The following LOC112694756 variants were observed in gnomAD, a reference collection of about 807,000 sequenced individuals.
the LOC112694756 span, chr16:30,066,908 G>T: frequency 6.5e-7 from 1 of 1,550,348 alleles, no homozygotes; most frequent in African/African-American, 1.4e-5. Flanking sequence ...ATGGCAAGGC[G>T]CAAGCCAGAA....
chr16:30,054,687 T>C, the LOC112694756 span: 2 of 398,432 alleles, frequency 5.0e-6, no homozygotes, highest in Non-Finnish European at 8.8e-6. Context: ...CTGGTGGCCG[T>C]TCCTCTCCCA....
At chr16:30,069,948 G>A in the LOC112694756 span, 10 of 1,613,936 alleles carry the variant, frequency 6.2e-6, no homozygotes, top group African/African-American at 1.3e-4. Context: ...GCCGAGCCCT[G>A]CAGGCCTCTG....
At chr16:30,063,984 A>T in the LOC112694756 span, 1 of 398,886 alleles carries the variant, frequency 2.5e-6, no homozygotes, top group Non-Finnish European at 4.4e-6. Context: ...GTGGCAGCGC[A>T]GGGCCTGGCT....
the LOC112694756 span, chr16:30,068,202 C>T: frequency 3.1e-6 from 1 of 319,160 alleles, no homozygotes; most frequent in Admixed American, 4.5e-5. Flanking sequence ...GTAGCTGGGA[C>T]TACAGGCGCC....
At chr16:30,067,768 A>G in the LOC112694756 span, 14 of 1,318,962 alleles carry the variant, frequency 1.1e-5, no homozygotes, top group Non-Finnish European at 1.4e-5. Context: ...AGAGACTTGC[A>G]TGGAGCCTGC....
the LOC112694756 span, among the ~76,000 whole-genome samples, chr16:30,061,820 A>G: frequency 3.6e-4 from 55 of 150,878 alleles, 1 homozygote; most frequent in East Asian, 0.01. Context: ...TTGGCCTCCC[A>G]AGTTGTTGGG....
At chr16:30,067,073 G>A in the LOC112694756 span, 11 of 1,572,018 alleles carry the variant, frequency 7.0e-6, no homozygotes, top group Admixed American at 3.7e-5. Context: ...GAAGTTGGGC[G>A]TAAGAGAGAG....
the LOC112694756 span, chr16:30,068,812 T>A: frequency 6.2e-7 from 1 of 1,614,084 alleles, no homozygotes; most frequent in Non-Finnish European, 8.5e-7. Context: ...CTTCCTCTTC[T>A]CTTAGGGTTG....
chr16:30,062,480 C>T, the LOC112694756 span, among the ~76,000 whole-genome samples: 20 of 139,650 alleles, frequency 1.4e-4, no homozygotes, highest in Admixed American at 1.3e-3. Context: ...TGCAGTGAGC[C>T]GAGACCGCGC....
At chr16:30,059,829 C>T in the LOC112694756 span, among the ~76,000 whole-genome samples, 1 of 151,684 alleles carries the variant, frequency 6.6e-6, no homozygotes, top group Non-Finnish European at 1.5e-5. Flanking sequence ...TCCCAAAGTG[C>T]TGCGATTACA....
chr16:30,067,670 A>C, the LOC112694756 span: 1 of 1,613,964 alleles, frequency 6.2e-7, no homozygotes, highest in South Asian at 1.1e-5. Flanking sequence ...AGGTAAGGGG[A>C]GGGCCTCCGG....
chr16:30,066,613 G>GC, the LOC112694756 span, among the ~76,000 whole-genome samples: 2 of 151,920 alleles, frequency 1.3e-5, no homozygotes, highest in Non-Finnish European at 2.9e-5. Flanking sequence ...CCTACCACCC[G>GC]CCCCCTCCCT....
chr16:30,056,169 G>A, the LOC112694756 span, among the ~76,000 whole-genome samples: 1 of 148,884 alleles, frequency 6.7e-6, no homozygotes. Flanking sequence ...GAGTACAGTG[G>A]TGTAATCTCA....
At chr16:30,070,401 C>G in the LOC112694756 span, 2 of 626,986 alleles carry the variant, frequency 3.2e-6, no homozygotes, top group African/African-American at 3.6e-5. Context: ...AAATAAACAG[C>G]TATTTAAGGG....
At chr16:30,070,103 C>A in the LOC112694756 span, 9 of 1,613,820 alleles carry the variant, frequency 5.6e-6, no homozygotes, top group East Asian at 2.2e-5. Context: ...CACTCCACCC[C>A]TCTCCCTGCT....
the LOC112694756 span, chr16:30,065,706 G>C: frequency 6.6e-6 from 1 of 152,180 alleles, no homozygotes; most frequent in African/African-American, 2.4e-5. Flanking sequence ...AAAGGAAAAA[G>C]CTCGGCGGAG....
chr16:30,067,592 C>T, the LOC112694756 span: 8 of 1,614,078 alleles, frequency 5.0e-6, no homozygotes, highest in South Asian at 5.5e-5. Flanking sequence ...AGACACTCTA[C>T]CAGAAGGCGG....
At chr16:30,069,429 C>T in the LOC112694756 span, 10 of 1,613,928 alleles carry the variant, frequency 6.2e-6, no homozygotes, top group East Asian at 2.2e-5. Flanking sequence ...GGTGGCTGGC[C>T]GGGGACCCTG....
At chr16:30,053,918 C>T in the LOC112694756 span, among the ~76,000 whole-genome samples, 1 of 152,114 alleles carries the variant, frequency 6.6e-6, no homozygotes, top group Non-Finnish European at 1.5e-5. Context: ...ATTCCAGCTA[C>T]TGAGGAGACT....
Sources: allele counts gnomAD v4.1 joint callset (sites outside exome capture counted in the v4.1 genomes callset), GRCh38; gene constraint gnomAD v4.1.1; transcripts MANE v1.5.